Variants in CPNE4 observed in about 807,000 individuals in gnomAD.
The protein encoded by CPNE4 is copine 4, also known as copine-4.
CPNE4 carries 25 observed loss-of-function variants against 67.9 expected under a neutral mutation model. The ratio of observed to expected loss-of-function variants is 0.37; its 90% CI spans 0.27 to 0.51. CPNE4 has a LOEUF of 0.51. CPNE4 is among the 20% of genes least tolerant of loss of function. The pLI, the probability that CPNE4 is intolerant of heterozygous loss-of-function variation, is 0.93. For synonymous variants in CPNE4, 242 were observed against 244.9 expected (o/e 0.99, Z 0.11); for missense variants, 464 against 690.8 (o/e 0.67, Z 3.68).
At chr3:131,948,671 G>A (rs191985925) in intron 1 of CPNE4, among the ~76,000 whole-genome samples, 18 of 152,190 alleles carry the variant, frequency 1.2e-4, no homozygotes, top group African/African-American at 4.3e-4. Flanking sequence ...TCTCCACTGC[G>A]TATAGTTTTA....
intron 2 of CPNE4, among the ~76,000 whole-genome samples, chr3:131,815,319 GA>G (rs933336235): frequency 4.3e-4 from 65 of 152,088 alleles, no homozygotes; most frequent in Non-Finnish European, 5.6e-4. Context: ...GAGAAGATGG[GA>G]AAAAAAATTC....
intron 6 of CPNE4, among the ~76,000 whole-genome samples, chr3:131,673,306 C>T (rs1910254): frequency 0.065 from 9,850 of 151,876 alleles, 674 homozygotes; most frequent in East Asian, 0.36. Flanking sequence ...AGGATAGCTT[C>T]GGCTATTCTG....
Position 132,019,004 on chromosome 3 carries a change from T to TTTAAAAAGC in CPNE4, c.-2+15554_-2+15562dup, listed in dbSNP as rs1490091433. Among the ~76,000 whole-genome samples, 3 of 152,212 alleles carry TTTAAAAAGC rather than the reference T, an allele frequency of 2.0e-5. No homozygotes were observed. In the East Asian group the frequency reaches 5.8e-4, roughly 29 times the overall value. On this transcript the variant is annotated intron_variant, in intron 1 of 15. Transcript: ENST00000429747. ...GGAAACTCTGCTTTATCAAGAACTT[T>TTTAAAAAGC]TTAAAAAGCTGTTTGCAGACTCTGC...
Position 131,833,869 on chromosome 3 carries a change from T to G in CPNE4, c.180+71395A>C, listed in dbSNP as rs557458436. Among the ~76,000 whole-genome samples, 7 of 152,304 alleles carry G rather than the reference T, an allele frequency of 4.6e-5. No homozygotes were observed. In the South Asian group the frequency reaches 1.5e-3, roughly 32 times the overall value. ...CGTCTTCCACTGTGCGAGCCACATA[T>G]AGTGCTGCAAGAGGAAATTGACATT... On this transcript the variant is annotated intron_variant, in intron 2 of 15. Coordinates refer to ENST00000429747, the MANE Select transcript of CPNE4 (RefSeq NM_130808.3).
chr3:131,767,156 TTC>T (rs1327164036), intron 2 of CPNE4, among the ~76,000 whole-genome samples: 4 of 152,116 alleles, frequency 2.6e-5, no homozygotes, highest in African/African-American at 9.6e-5. Flanking sequence ...AAAAGTCTCT[TTC>T]TCTCTCTCTC....
At chr3:131,667,502 G>A (rs1231940497) in intron 7 of CPNE4, among the ~76,000 whole-genome samples, 1 of 151,942 alleles carries the variant, frequency 6.6e-6, no homozygotes, top group Non-Finnish European at 1.5e-5. Context: ...AGTAGCTAGG[G>A]TTGCTGTTAA....
chr3:131,719,836 A>C (rs2081834013), intron 3 of CPNE4, among the ~76,000 whole-genome samples: 1 of 152,220 alleles, frequency 6.6e-6, no homozygotes, highest in Admixed American at 6.5e-5. Flanking sequence ...CTGTTTCTTC[A>C]TGCGTGTCTC....
At chr3:131,995,491 G>A (rs2073269141) in intron 1 of CPNE4, among the ~76,000 whole-genome samples, 1 of 152,122 alleles carries the variant, frequency 6.6e-6, no homozygotes, top group Admixed American at 6.6e-5. Context: ...GACCATGAGA[G>A]CAGATCCTGA....
intron 2 of CPNE4, among the ~76,000 whole-genome samples, chr3:131,859,106 A>T (rs1263115437): frequency 6.6e-6 from 1 of 152,160 alleles, no homozygotes; most frequent in Non-Finnish European, 1.5e-5. Flanking sequence ...ATGTTTACAC[A>T]AGCCAAATGA....
At chr3:131,782,779 T>C (rs887320760) in intron 2 of CPNE4, among the ~76,000 whole-genome samples, 6 of 152,104 alleles carry the variant, frequency 3.9e-5, no homozygotes, top group African/African-American at 1.4e-4. Context: ...AACTTTTCCA[T>C]AAAAGAAAAT....
At chr3:131,920,079 C>T (rs2070699144) in intron 1 of CPNE4, among the ~76,000 whole-genome samples, 2 of 152,082 alleles carry the variant, frequency 1.3e-5, no homozygotes, top group South Asian at 4.2e-4. Context: ...CAGGTCACTC[C>T]GCTGCCCAAC....
At chr3:131,906,442 G>C (rs9856669) in intron 1 of CPNE4, among the ~76,000 whole-genome samples, 96,811 of 135,464 alleles carry the variant, frequency 0.71, 34,635 homozygotes, top group Admixed American at 0.81. Flanking sequence ...GTATGATGTT[G>C]CCCTTCCTGT....
intron 3 of CPNE4, among the ~76,000 whole-genome samples, chr3:131,708,021 A>G (rs1583055313): frequency 2.0e-5 from 3 of 152,246 alleles, no homozygotes; most frequent in Admixed American, 1.3e-4. Flanking sequence ...GGGAAATGCT[A>G]TTTTCCTCTT....
chr3:131,679,728 T>C (rs1266478366), intron 6 of CPNE4, among the ~76,000 whole-genome samples: 1 of 152,158 alleles, frequency 6.6e-6, no homozygotes, highest in Non-Finnish European at 1.5e-5. Context: ...TTTTATGTAA[T>C]TGTATGGTTT....
At chr3:131,844,407 C>G (rs2085915010) in intron 2 of CPNE4, among the ~76,000 whole-genome samples, 1 of 152,068 alleles carries the variant, frequency 6.6e-6, no homozygotes, top group African/African-American at 2.4e-5. Context: ...GCTGGGACTA[C>G]AGGCGCCTGC....
intron 6 of CPNE4, among the ~76,000 whole-genome samples, chr3:131,685,484 C>T (rs1168181057): frequency 6.6e-6 from 1 of 151,664 alleles, no homozygotes; most frequent in Admixed American, 6.6e-5. Context: ...TATCTACAGA[C>T]ATTAAGAAGT....
At chr3:131,608,869 C>G (rs1385524322) in intron 7 of CPNE4, among the ~76,000 whole-genome samples, 2 of 152,100 alleles carry the variant, frequency 1.3e-5, no homozygotes, top group East Asian at 1.9e-4. Context: ...CCCCCACCTC[C>G]CTGACACCCC....
chr3:131,837,426 G>T (rs2085600216), intron 2 of CPNE4, among the ~76,000 whole-genome samples: 1 of 152,066 alleles, frequency 6.6e-6, no homozygotes, highest in Non-Finnish European at 1.5e-5. Flanking sequence ...AGGTGAAAAA[G>T]CCAATCCCAA....
intron 2 of CPNE4, among the ~76,000 whole-genome samples, chr3:131,793,002 A>G (rs1422537258): frequency 6.6e-6 from 1 of 151,362 alleles, no homozygotes; most frequent in African/African-American, 2.4e-5. Flanking sequence ...GTGACACCAC[A>G]GTGTCTTTTG....
Sources: allele counts gnomAD v4.1 joint callset (sites outside exome capture counted in the v4.1 genomes callset), GRCh38; gene constraint gnomAD v4.1.1; transcripts MANE v1.5; gene names NCBI Gene and HGNC (gene_info 2026-07-23, HGNC 2026-07-21).